The following POLR2H variants were observed in gnomAD, a reference collection of about 807,000 sequenced individuals.
The protein encoded by POLR2H is DNA-directed RNA polymerases I, II, and III subunit RPABC3.
POLR2H carries 3 observed loss-of-function variants against 18.1 expected under a neutral mutation model. The observed-to-expected ratio is 0.17, with a 90% confidence interval of 0.08 to 0.43. POLR2H has a LOEUF of 0.43. Among genes scored for constraint, POLR2H ranks in the 20% least tolerant of loss-of-function variants. The probability of loss-of-function intolerance (pLI) is 0.99; values close to 1 mark genes in which losing one functional copy is unlikely to be tolerated. For synonymous variants in POLR2H, 76 were observed against 69.0 expected, an observed-to-expected ratio of 1.10 and a Z score of -0.50; for missense variants, 103 against 184.6, an observed-to-expected ratio of 0.56 and a Z score of 2.56.
At position 184,368,312 on chromosome 3, in the gene POLR2H, CCT is replaced by C. The variant is rs1216170116; in HGVS notation, c.*23_*24del. 1.3e-6 allele frequency: 2 copies of C among 1,560,578 alleles called. No individual in the cohort carries two copies. The highest frequency in any genetic ancestry group is 2.4e-5 in the South Asian group (2 of 82,644). On this transcript the variant is annotated 3_prime_UTR_variant, in exon 6 of 6. Transcript: ENST00000456318. The stretch of plus-strand genomic sequence containing the variant: ...CCTTCTGAACCTCGCCTGAAGCCAG[CCT>C]CTCTGCCAAGTCACTCAGGTCATGG...
chr3:184,368,086 T>C, intron 5 of POLR2H, 91 bp from the exon 6 acceptor site: 1 of 1,603,880 alleles, frequency 6.2e-7, no homozygotes, highest in South Asian at 1.1e-5. Flanking sequence ...GACACAACAG[T>C]AGGAAGATGC....
chr3:184,365,079 G>A, intron 3 of POLR2H, 30 bp downstream of exon 3: 1 of 1,579,978 alleles, frequency 6.3e-7, no homozygotes. Context: ...AATAATAAGA[G>A]ACTTTTTGCT....
At chr3:184,364,014 G>A (rs1712796056) in intron 2 of POLR2H, among the ~76,000 whole-genome samples, 1 of 152,164 alleles carries the variant, frequency 6.6e-6, no homozygotes, top group South Asian at 2.1e-4. Context: ...TCGCGCCACT[G>A]CACGCCAGCC....
chr3:184,368,045 AT>A, intron 5 of POLR2H, 131 bp from the exon 6 acceptor site: 1 of 1,319,124 alleles, frequency 7.6e-7, no homozygotes, highest in Non-Finnish European at 1.1e-6. Flanking sequence ...ATACCTGTGC[AT>A]TGATCTTTGT....
chr3:184,365,155 A>G lies in POLR2H; in HGVS notation c.180A>G (p.Ile60Met). ...CAGGTGACAAGTTTCGGTTGGTCAT[A>G]GCTAGTACCTTGTATGAAGATGGTA... ...VDLGDKFRLV[I>M]ASTLYEDGTL... The change falls in exon 4 of 6, where the codon ATA becomes ATG. Residue 60 changes from isoleucine to methionine, a missense_variant. Coordinates refer to ENST00000456318, the MANE Select transcript of POLR2H (RefSeq NM_006232.5). 1.9e-6 allele frequency: 3 copies of G among 1,613,396 alleles called. No individual in the cohort carries two copies. The highest frequency in any genetic ancestry group is 2.2e-5 in the East Asian group (1 of 44,874).
Position 184,362,854 on chromosome 3 carries a change from G to C in POLR2H, c.-620-19G>C, listed in dbSNP as rs1405599481. The C allele has an allele frequency of 6.4e-6, 1 of 157,106 alleles. No individual in the cohort carries two copies. The highest frequency in any genetic ancestry group is 1.4e-5 in the Non-Finnish European group (1 of 71,144). 9.7% of individuals were successfully genotyped at this position (157,106 alleles called of 1,614,324 possible). On this transcript the variant is annotated intron_variant, in intron 1 of 5. Coordinates refer to ENST00000456318, the MANE Select transcript of POLR2H (RefSeq NM_006232.5). This position sits in a 1 kb window ranked among gnomAD's most constrained non-coding sequence, Gnocchi z 5.9. ...AGTACGAGAGGAGGGGACAATGCAG[G>C]CTTTCCTCTTCTCCATAGCGACGTC... is the stretch of plus-strand genomic sequence containing the variant.
At chr3:184,364,875 G>A in intron 2 of POLR2H, 91 bp from the exon 3 acceptor site, 1 of 829,272 alleles carries the variant, frequency 1.2e-6, no homozygotes, top group Middle Eastern at 2.3e-4. Flanking sequence ...GATGTAGACT[G>A]GGTTAGATTG....
At chr3:184,365,074 TA>T (rs1170556562) in intron 3 of POLR2H, 25 bp downstream of exon 3, 11 of 1,578,540 alleles carry the variant, frequency 7.0e-6, no homozygotes, top group Non-Finnish European at 7.8e-6. Flanking sequence ...CAGACAATAA[TA>T]AGAGACTTTT....
intron 2 of POLR2H, 163 bp from the exon 3 acceptor site, chr3:184,364,803 C>T: frequency 5.2e-6 from 3 of 580,522 alleles, no homozygotes; most frequent in Non-Finnish European, 6.1e-6. Flanking sequence ...TCCCCTTTTC[C>T]TTCTTGCATA....
intron 4 of POLR2H, chr3:184,365,473 C>A: frequency 8.5e-6 from 4 of 471,886 alleles, no homozygotes; most frequent in South Asian, 3.2e-5. Context: ...CCAGCCTGAG[C>A]AACATAGCGA....
At chr3:184,365,975 CAAAAAA>C (rs563119852) in intron 4 of POLR2H, among the ~76,000 whole-genome samples, 246 of 61,990 alleles carry the variant, frequency 4.0e-3, no homozygotes, top group Non-Finnish European at 6.9e-3. Flanking sequence ...GACTCCGTCT[CAAAAAA>C]AAAAAAAAAA....
chr3:184,368,427 G>GT lies in POLR2H; in HGVS notation c.*133_*134insT. ...GTCCACCGTGGCGGCATCTTTAACT[G>GT]GCCTCCACTCAATGGGAAACTGACT... On this transcript the variant is annotated 3_prime_UTR_variant, in exon 6 of 6. Coordinates refer to ENST00000456318, the MANE Select transcript of POLR2H (RefSeq NM_006232.5). 1 of 637,534 alleles carries GT rather than the reference G, an allele frequency of 1.6e-6. No homozygotes were observed. Among genetic ancestry groups the GT allele is most frequent in the South Asian group, 2.6e-5 (1 of 38,480 alleles). 39.5% of individuals were successfully genotyped at this position (637,534 alleles called of 1,614,324 possible). A position where few individuals can be genotyped will look rare whatever the true frequency, so the allele number is the denominator to read the frequency against.
chr3:184,365,581 G>T lies in POLR2H; in HGVS notation c.251+355G>T, dbSNP rs1713092818. ...AGCTGCCTGGGAGGCTGAGGTGGGA[G>T]GATTGCCTGAGCCAGGGAGGTTGAG... On this transcript the variant is annotated intron_variant, in intron 4 of 5. Transcript: ENST00000456318. 22 of 272,182 alleles carry T rather than the reference G, an allele frequency of 8.1e-5. 1 individual carries two copies. The South Asian group carries it at 1.0e-3, about 12-fold the overall frequency. The allele number at this position is 272,182 out of a possible 1,614,324, so 16.9% of individuals were successfully genotyped here.
Position 184,368,243 on chromosome 3 carries a change from A to G in POLR2H, c.402A>G (p.Gly134=), listed in dbSNP as rs1713679230. 6.2e-7 allele frequency: 1 copy of G among 1,613,122 alleles called. No individual in the cohort carries two copies. The highest frequency in any genetic ancestry group is 8.5e-7 in the Non-Finnish European group (1 of 1,179,400). Residue 134 remains glycine (G), a synonymous_variant, in exon 6 of 6, where the codon GGA becomes GGG. Transcript: ENST00000456318. Reference sequence around the variant, plus strand: ...AGGGGGATGCCAACAACCTGCATGGATTCGAGGTGGACTCCAGAGTTTATC... The same window carrying G: ...AGGGGGATGCCAACAACCTGCATGGGTTCGAGGTGGACTCCAGAGTTTATC... ...RLQGDANNLH[G]FEVDSRVYLL...
chr3:184,364,017 C>T (rs188072792), intron 2 of POLR2H, among the ~76,000 whole-genome samples: 1 of 152,298 alleles, frequency 6.6e-6, no homozygotes, highest in Non-Finnish European at 1.5e-5. Flanking sequence ...CGCCACTGCA[C>T]GCCAGCCTGG....
At chr3:184,366,629 C>A (rs961487724) in intron 4 of POLR2H, 88 bp from the exon 5 acceptor site, 11 of 783,690 alleles carry the variant, frequency 1.4e-5, no homozygotes, top group Non-Finnish European at 2.2e-5. Context: ...TGAGCCACCA[C>A]GCCCGGCTGA....
chr3:184,366,478 C>T, intron 4 of POLR2H: 1 of 312,758 alleles, frequency 3.2e-6, no homozygotes, highest in Non-Finnish European at 6.1e-6. Context: ...GCTGGGACTA[C>T]AGGAGCCCAC....
At chr3:184,364,883 T>A in intron 2 of POLR2H, 83 bp from the exon 3 acceptor site, 1 of 887,578 alleles carries the variant, frequency 1.1e-6, no homozygotes, top group Non-Finnish European at 1.9e-6. Flanking sequence ...CTGGGTTAGA[T>A]TGAGTATCCT....
intron 2 of POLR2H, 75 bp downstream of exon 2, chr3:184,363,640 C>A (rs1419457188): frequency 1.7e-6 from 2 of 1,198,576 alleles, no homozygotes; most frequent in Middle Eastern, 1.9e-4. Flanking sequence ...CCGTGTCCAC[C>A]CAGCTCTTGT....
Sources: allele counts gnomAD v4.1 joint callset (sites outside exome capture counted in the v4.1 genomes callset), GRCh38; gene constraint gnomAD v4.1.1; non-coding constraint Gnocchi (gnomAD v3.1); transcripts MANE v1.5; gene names NCBI Gene and HGNC (gene_info 2026-07-23, HGNC 2026-07-21).